ANK3: variants seen among roughly 807,000 people sequenced by gnomAD.
ANK3 encodes ankyrin-3.
ANK3 carries 57 observed loss-of-function variants against 370.9 expected under a neutral mutation model. The observed-to-expected ratio is 0.15, with a 90% CI of 0.12 to 0.19. ANK3 has a LOEUF of 0.19. Among genes scored for constraint, ANK3 ranks in the 10% least tolerant of loss-of-function variants. The pLI is 1.00. For missense variants in ANK3, 4,439 were observed against 5,302.1 expected (o/e 0.84, Z 5.06); for synonymous variants, 1,929 against 1,946.3 (o/e 0.99, Z 0.23).
At chr10:60,382,799 A>T (rs905402742) in intron 1 of ANK3, among the ~76,000 whole-genome samples, 6 of 5,470 alleles carry the variant, frequency 1.1e-3, no homozygotes, top group African/African-American at 2.5e-3. Flanking sequence ...ACCTAAATCT[A>T]TATATATATA....
At chr10:60,110,579 T>C (rs928976136) in intron 26 of ANK3, among the ~76,000 whole-genome samples, 1 of 152,168 alleles carries the variant, frequency 6.6e-6, no homozygotes, top group Non-Finnish European at 1.5e-5. Context: ...TGTTCACTTG[T>C]ACAAGTGTCG....
chr10:60,324,496 C>T (rs1213171716), intron 1 of ANK3, among the ~76,000 whole-genome samples: 1 of 152,088 alleles, frequency 6.6e-6, no homozygotes, highest in East Asian at 1.9e-4. Context: ...CTCATTAATT[C>T]CCTGAACTTT....
chr10:60,225,897 T>A (rs944379782), intron 8 of ANK3, among the ~76,000 whole-genome samples: 6 of 151,296 alleles, frequency 4.0e-5, no homozygotes, highest in Non-Finnish European at 7.4e-5. Flanking sequence ...GTCTTCTGAT[T>A]TTTTTAGTTA....
chr10:60,100,243 T>TTTTTTTTG, intron 28 of ANK3, among the ~76,000 whole-genome samples: 1 of 141,196 alleles, frequency 7.1e-6, no homozygotes, highest in Non-Finnish European at 1.5e-5. Flanking sequence ...GGTTTTTTTT[T>TTTTTTTTG]TTTTTTTTTT....
At chr10:60,520,018 T>G (rs2393640) in intron 2 of ANK3, among the ~76,000 whole-genome samples, 31,857 of 152,032 alleles carry the variant, frequency 0.21, 3,627 homozygotes, top group South Asian at 0.35. Flanking sequence ...TATTGTATAT[T>G]ATGGGCCCAA....
intron 1 of ANK3, among the ~76,000 whole-genome samples, chr10:60,301,381 CAT>C (rs200096965): frequency 1.1e-4 from 16 of 146,422 alleles, no homozygotes; most frequent in Non-Finnish European, 1.4e-4. Flanking sequence ...CACACACACA[CAT>C]ACATACATAC....
In ANK3 at chr10:60,150,742, C is replaced by T. The variant is rs187293568; in HGVS notation, c.2615-11655G>A. 3.6e-4 allele frequency among the ~76,000 whole-genome samples: 55 copies of T among 152,252 alleles called. 1 individual carries two copies. The highest frequency in any genetic ancestry group is 3.1e-3 in the Admixed American group (47 of 15,300). On this transcript the variant is annotated intron_variant, in intron 23 of 43. Coordinates refer to ENST00000280772, the MANE Select transcript of ANK3 (RefSeq NM_020987.5). ...CCATGTGACATTCCTGCTCCCCCTT[C>T]TCCTTCTGCCATGAATAGAAGCTTC...
chr10:60,411,325 T>C (rs1001182594), intron 2 of ANK3, among the ~76,000 whole-genome samples: 10 of 152,224 alleles, frequency 6.6e-5, no homozygotes, highest in African/African-American at 2.4e-4. Flanking sequence ...AACTGTACTT[T>C]CTGGTCAAGG....
intron 1 of ANK3, among the ~76,000 whole-genome samples, chr10:60,327,820 T>G (rs763550737): frequency 3.9e-5 from 6 of 152,230 alleles, no homozygotes; most frequent in Middle Eastern, 3.2e-3. Context: ...CTCATTGGAC[T>G]TTCTGCTTTA....
intron 7 of ANK3, among the ~76,000 whole-genome samples, chr10:60,240,068 T>TATATATACATATATATACACATATATAC (rs2097408191): frequency 2.6e-4 from 4 of 15,604 alleles, no homozygotes; most frequent in African/African-American, 4.0e-4. Flanking sequence ...CATATATACA[T>TATATATACATATATATACACATATATAC]ATATATACAT....
intron 7 of ANK3, among the ~76,000 whole-genome samples, chr10:60,247,509 TA>T (rs1284246012): frequency 6.6e-6 from 1 of 152,216 alleles, no homozygotes; most frequent in Non-Finnish European, 1.5e-5. Context: ...AGCCATTAGC[TA>T]CGCCTATGCC....
chr10:60,192,340 ATATGTT>A (rs2096499215), intron 16 of ANK3, among the ~76,000 whole-genome samples: 3 of 151,270 alleles, frequency 2.0e-5, no homozygotes, highest in Admixed American at 2.0e-4. Flanking sequence ...TGTATATACT[ATATGTT>A]TATAGCTGAG....
intron 23 of ANK3, among the ~76,000 whole-genome samples, chr10:60,141,561 GTTTTTTTTT>G (rs36033791): frequency 2.0e-5 from 1 of 49,044 alleles, no homozygotes; most frequent in Non-Finnish European, 3.6e-5. Flanking sequence ...TTCAATTGCT[GTTTTTTTTT>G]TTTTTTTTTT....
intron 18 of ANK3, among the ~76,000 whole-genome samples, chr10:60,179,057 C>T (rs527401418): frequency 6.6e-6 from 1 of 152,246 alleles, no homozygotes; most frequent in Admixed American, 6.5e-5. Context: ...ATTATTTTTG[C>T]ATGTAAGCCA....
intron 1 of ANK3, among the ~76,000 whole-genome samples, chr10:60,659,782 C>T (rs571776743): frequency 7.2e-5 from 11 of 151,984 alleles, no homozygotes; most frequent in Admixed American, 1.3e-4. Flanking sequence ...AACTGGCTGC[C>T]TTCTACACAA....
At chr10:60,705,276 G>A (rs1351522795) in intron 1 of ANK3, among the ~76,000 whole-genome samples, 1 of 151,760 alleles carries the variant, frequency 6.6e-6, no homozygotes, top group Non-Finnish European at 1.5e-5. Flanking sequence ...TCCATAGAAG[G>A]GAAGACAAGT....
intron 2 of ANK3, among the ~76,000 whole-genome samples, chr10:60,570,938 C>A (rs564530705): frequency 2.0e-4 from 31 of 152,240 alleles, no homozygotes; most frequent in African/African-American, 7.5e-4. Flanking sequence ...ATATGGATTG[C>A]ACCGTCGTGG....
At chr10:60,641,697 T>A (rs1057296107) in intron 1 of ANK3, among the ~76,000 whole-genome samples, 1 of 152,056 alleles carries the variant, frequency 6.6e-6, no homozygotes, top group Non-Finnish European at 1.5e-5. Flanking sequence ...AACCTAGGCA[T>A]TACCATTCAA....
In ANK3 at chr10:60,344,069, G is replaced by C. The variant is rs16914867; in HGVS notation, c.114+45356C>G. Among the ~76,000 whole-genome samples, 754 of 152,332 alleles carry C rather than the reference G, an allele frequency of 4.9e-3. 16 individuals are homozygous for C. The East Asian group carries it at 0.087, about 18-fold the overall frequency. ...GAGAGGCAGATCTAATAACAGCCTA[G>C]TACTAAACCAGCTCATAGAAGCAGG... On this transcript the variant is annotated intron_variant, in intron 1 of 43. Coordinates refer to ENST00000280772, the MANE Select transcript of ANK3 (RefSeq NM_020987.5).
Sources: allele counts gnomAD v4.1 joint callset (sites outside exome capture counted in the v4.1 genomes callset), GRCh38; gene constraint gnomAD v4.1.1; transcripts MANE v1.5; gene names NCBI Gene and HGNC (gene_info 2026-07-23, HGNC 2026-07-21).